HSDL2: variants seen among roughly 807,000 people sequenced by gnomAD.
The protein encoded by HSDL2 is hydroxysteroid dehydrogenase like 2.
In HSDL2, 27 loss-of-function variants were observed where a neutral mutation model predicts 46.3. The ratio of observed to expected loss-of-function variants is 0.58; its 90% CI spans 0.43 to 0.80. HSDL2 has a LOEUF of 0.80. HSDL2 is among the 30% of genes least tolerant of loss of function. The probability of loss-of-function intolerance (pLI) is 0.00; values close to 1 mark genes in which losing one functional copy is unlikely to be tolerated. For missense variants in HSDL2, 451 were observed against 502.7 expected (o/e 0.90, Z 0.98); for synonymous variants, 153 against 163.6 (o/e 0.94, Z 0.50).
At chr9:112,427,082 TCTCA>T (rs1485279944) in intron 6 of HSDL2, among the ~76,000 whole-genome samples, 1 of 152,076 alleles carries the variant, frequency 6.6e-6, no homozygotes, top group African/African-American at 2.4e-5. Context: ...CGAGGCAGAG[TCTCA>T]CTCTGTCACC....
chr9:112,390,678 C>A (rs1396331692), intron 1 of HSDL2, among the ~76,000 whole-genome samples: 1 of 152,042 alleles, frequency 6.6e-6, no homozygotes, highest in East Asian at 1.9e-4. Flanking sequence ...GTCTTGAACT[C>A]CTGGGCTCAA....
rs377752428 is a variant in HSDL2, at chr9:112,405,287, G to A, written c.182-337G>A. On this transcript the variant is annotated intron_variant, in intron 2 of 10. Transcript: ENST00000398805. ...GGATCCTTTGAGCCTGGGAGATTGA[G>A]GCTGCAGTGAGCTGTGTTTGTGCCA... 1.2e-4 allele frequency among the ~76,000 whole-genome samples: 18 copies of A among 152,284 alleles called. 1 individual carries two copies. The South Asian group carries it at 2.9e-3, about 25-fold the overall frequency.
At chr9:112,425,726 G>T (rs1296331660) in intron 6 of HSDL2, among the ~76,000 whole-genome samples, 2 of 152,062 alleles carry the variant, frequency 1.3e-5, no homozygotes, top group Admixed American at 1.3e-4. Context: ...TGATAGAACT[G>T]ATTTTTATTT....
At chr9:112,380,547 T>C (rs1033012666) in intron 1 of HSDL2, among the ~76,000 whole-genome samples, 3 of 151,962 alleles carry the variant, frequency 2.0e-5, no homozygotes, top group African/African-American at 7.3e-5. Flanking sequence ...AGCTCCAGAG[T>C]TTAAAGAGTT....
chr9:112,433,579 C>G (rs1348135693), intron 6 of HSDL2, among the ~76,000 whole-genome samples: 1 of 152,088 alleles, frequency 6.6e-6, no homozygotes, highest in Non-Finnish European at 1.5e-5. Flanking sequence ...TATGGGATGG[C>G]TTGTAAGACT....
At chr9:112,438,113 A>G (rs1249759039) in intron 6 of HSDL2, among the ~76,000 whole-genome samples, 1 of 152,164 alleles carries the variant, frequency 6.6e-6, no homozygotes, top group Non-Finnish European at 1.5e-5. Flanking sequence ...GTGGTGGCGC[A>G]CGCCTGTAAT....
intron 6 of HSDL2, among the ~76,000 whole-genome samples, chr9:112,430,391 G>A (rs1158842299): frequency 6.6e-6 from 1 of 152,150 alleles, no homozygotes; most frequent in Non-Finnish European, 1.5e-5. Flanking sequence ...AAAATGAGAC[G>A]ATGTCCATAA....
chr9:112,395,503 A>C (rs1432766690), intron 1 of HSDL2, among the ~76,000 whole-genome samples: 1 of 152,190 alleles, frequency 6.6e-6, no homozygotes, highest in Non-Finnish European at 1.5e-5. Flanking sequence ...TTTGCCTATG[A>C]ATAGTGTTCA....
At chr9:112,421,478 A>T (rs1174125775) in intron 6 of HSDL2, among the ~76,000 whole-genome samples, 5 of 152,220 alleles carry the variant, frequency 3.3e-5, no homozygotes, top group Non-Finnish European at 7.3e-5. Context: ...CTCTGCCCGT[A>T]ATAGTCACTC....
rs778969137 is a variant in HSDL2 at position 112,453,988 on chromosome 9, C to T, written c.866-25C>T. The T allele has an allele frequency of 6.8e-6, 11 of 1,606,076 alleles. No individual in the cohort carries two copies. In the East Asian group the frequency reaches 2.5e-4, roughly 36 times the overall value. On this transcript the variant is annotated intron_variant, in intron 8 of 10. Transcript: ENST00000398805. ...GTCCTTCACTGCCAAGCATTAAGGT[C>T]ATTTGCTTCAATAATATCTTATAGG...
intron 1 of HSDL2, among the ~76,000 whole-genome samples, chr9:112,393,962 G>T (rs1409778317): frequency 1.3e-5 from 2 of 152,218 alleles, no homozygotes; most frequent in Non-Finnish European, 2.9e-5. Flanking sequence ...TTGATACTGA[G>T]GGAGAGGAGC....
chr9:112,382,941 CTT>C (rs56082014), intron 1 of HSDL2, among the ~76,000 whole-genome samples: 91 of 138,246 alleles, frequency 6.6e-4, no homozygotes, highest in Admixed American at 1.0e-3. Flanking sequence ...AAACCAAGAT[CTT>C]TTTTTTTTTT....
chr9:112,404,033 G>T lies in HSDL2; in HGVS notation c.56G>T (p.Ser19Ile), dbSNP rs1831666601. 1.2e-6 allele frequency: 2 copies of T among 1,614,050 alleles called. No individual in the cohort carries two copies. Among genetic ancestry groups the T allele is most frequent in the Non-Finnish European group, 1.7e-6 (2 of 1,180,020 alleles). Residue 19 changes from serine (S) to isoleucine (I), a missense_variant, in exon 2 of 11, where the codon AGC (serine) becomes ATC (isoleucine). Coordinates refer to ENST00000398805, the MANE Select transcript of HSDL2 (RefSeq NM_032303.5). ...TGTACAGTTTTTATCACAGGTGCAA[G>T]CCGTGGCATTGGCAAAGCTATTGCA... ...AGCTVFITGA[S>I]RGIGKAIALK... is the part of the protein sequence containing the mutation.
intron 3 of HSDL2, among the ~76,000 whole-genome samples, chr9:112,408,282 C>A (rs1033975272): frequency 8.6e-5 from 13 of 152,006 alleles, no homozygotes; most frequent in Non-Finnish European, 1.5e-5. Flanking sequence ...GAGGGACAAC[C>A]AGGAGGTAAG....
At chr9:112,380,399 C>T (rs899391579) in intron 1 of HSDL2, among the ~76,000 whole-genome samples, 1 of 152,054 alleles carries the variant, frequency 6.6e-6, no homozygotes, top group African/African-American at 2.4e-5. Context: ...AGGATGGCAG[C>T]AGTGTAGAAA....
At position 112,398,699 on chromosome 9, in the gene HSDL2, A is replaced by G. The variant is rs562403234; in HGVS notation, c.18-5296A>G. ...TTAGGACAGCACTTACCAAGGCCCA[A>G]TCACCCCAAACAGTGACGGGAGCAT... On this transcript the variant is annotated intron_variant, in intron 1 of 10. Coordinates refer to ENST00000398805, the MANE Select transcript of HSDL2 (RefSeq NM_032303.5). Among the ~76,000 whole-genome samples the G allele has an allele frequency of 1.1e-4, 17 of 152,128 alleles. No individual in the cohort carries two copies. In the South Asian group the frequency reaches 2.7e-3, roughly 24 times the overall value.
At chr9:112,428,061 A>G (rs1410284657) in intron 6 of HSDL2, among the ~76,000 whole-genome samples, 7 of 152,174 alleles carry the variant, frequency 4.6e-5, no homozygotes, top group African/African-American at 1.7e-4. Context: ...CCTATCTGCT[A>G]TGTACTGGAT....
At chr9:112,388,383 C>T (rs1284002645) in intron 1 of HSDL2, among the ~76,000 whole-genome samples, 3 of 146,562 alleles carry the variant, frequency 2.0e-5, no homozygotes, top group East Asian at 2.0e-4. Flanking sequence ...ATCACTTGAA[C>T]GTGGGAGGCA....
At position 112,418,932 on chromosome 9, in the gene HSDL2, C is replaced by T. The variant is rs373712932; in HGVS notation, c.572C>T (p.Ala191Val). 4 of 1,597,618 alleles carry T rather than the reference C, an allele frequency of 2.5e-6. No individual in the cohort carries two copies. The highest frequency in any genetic ancestry group is 3.4e-6 in the Non-Finnish European group (4 of 1,167,424). The change falls in exon 6 of 11, where the codon GCA becomes GTA. Residue 191 changes from alanine (A) to valine (V), a missense_variant. Ala to Val is a moderately conservative substitution (Grantham distance 64). Coordinates refer to ENST00000398805, the MANE Select transcript of HSDL2 (RefSeq NM_032303.5). ...GCAGAAGAATTTAAAGGTGAAATTG[C>T]AGTCAATGCATTATGGCCTAAAACA... is the stretch of plus-strand genomic sequence containing the variant. ...GMAEEFKGEI[A>V]VNALWPKTAI...
Sources: gnomAD v4.1 joint callset for allele counts (sites outside exome capture counted in the v4.1 genomes callset) on GRCh38, gnomAD v4.1.1 for gene constraint, MANE v1.5 for transcripts, NCBI Gene and HGNC (gene_info 2026-07-23, HGNC 2026-07-21) for gene names.